The following CSMD1 variants were observed in gnomAD, a reference collection of about 807,000 sequenced individuals.
The protein encoded by CSMD1 is CUB and Sushi multiple domains 1.
Under a neutral mutation model 417.5 loss-of-function variants are expected in CSMD1, and 213 were observed. That is an observed-to-expected ratio of 0.51 (90% CI 0.46 to 0.57). The LOEUF is 0.57. CSMD1 is among the 20% of genes least tolerant of loss of function. The probability of loss-of-function intolerance (pLI) is 0.00; values close to 1 mark genes in which losing one functional copy is unlikely to be tolerated. For synonymous variants in CSMD1, 2,862 were observed against 1,736.8 expected, an observed-to-expected ratio of 1.65 and a Z score of -16.11; for missense variants, 6,923 against 4,529.7, an observed-to-expected ratio of 1.53 and a Z score of -15.17.
intron 2 of CSMD1, among the ~76,000 whole-genome samples, chr8:4,441,746 A>G (rs1465390754): frequency 1.3e-5 from 2 of 152,192 alleles, no homozygotes. Flanking sequence ...TTACTTAAAT[A>G]TTGCATTGCA....
In CSMD1 at chr8:4,042,788, T is replaced by C. The variant is rs574446435; in HGVS notation, c.416-10689A>G. Among the ~76,000 whole-genome samples the C allele has an allele frequency of 3.1e-4, 39 of 124,984 alleles. 1 individual carries two copies. The South Asian group carries it at 8.8e-3, about 28-fold the overall frequency. 82.0% of individuals were successfully genotyped at this position (124,984 alleles called of 152,430 possible). ...AGAGCACATTGCTGTATCTTCGCTATACAATAGGTGAAGTGGTACAACATA... is the reference window on the plus strand; with the variant it reads ...AGAGCACATTGCTGTATCTTCGCTACACAATAGGTGAAGTGGTACAACATA... On this transcript the variant is annotated intron_variant, in intron 3 of 69. Transcript: ENST00000635120.
chr8:3,011,826 A>G (rs779973265), intron 52 of CSMD1, among the ~76,000 whole-genome samples: 15 of 152,240 alleles, frequency 9.9e-5, no homozygotes, highest in East Asian at 1.9e-4. Context: ...ACCACAAACT[A>G]TAACCTCTTC....
chr8:3,123,682 C>T (rs752206719), intron 41 of CSMD1, among the ~76,000 whole-genome samples: 1 of 152,140 alleles, frequency 6.6e-6, no homozygotes, highest in Non-Finnish European at 1.5e-5. Context: ...TCAATAGAAC[C>T]TCATCTTCAT....
intron 2 of CSMD1, among the ~76,000 whole-genome samples, chr8:4,425,966 G>A (rs1263498224): frequency 2.0e-5 from 3 of 151,958 alleles, no homozygotes; most frequent in East Asian, 3.9e-4. Flanking sequence ...ATTTTAGAGA[G>A]GTAGACATAG....
intron 3 of CSMD1, among the ~76,000 whole-genome samples, chr8:4,153,567 G>T (rs866912146): frequency 4.6e-5 from 7 of 152,182 alleles, no homozygotes; most frequent in Admixed American, 1.3e-4. Context: ...CGCAATCATG[G>T]GAAATGCTGC....
chr8:3,307,122 G>C (rs542242981), intron 25 of CSMD1, among the ~76,000 whole-genome samples: 6 of 152,182 alleles, frequency 3.9e-5, no homozygotes, highest in Non-Finnish European at 7.3e-5. Flanking sequence ...AAGAACAGTA[G>C]AGTGTATTTC....
At chr8:3,252,907 T>C (rs930621122) in intron 26 of CSMD1, among the ~76,000 whole-genome samples, 1 of 152,222 alleles carries the variant, frequency 6.6e-6, no homozygotes, top group Non-Finnish European at 1.5e-5. Flanking sequence ...TCGGTGGTGA[T>C]ATTACCTTTA....
chr8:4,283,262 C>T (rs1441834724), intron 3 of CSMD1, among the ~76,000 whole-genome samples: 1 of 152,234 alleles, frequency 6.6e-6, no homozygotes, highest in African/African-American at 2.4e-5. Context: ...TAGATGAAGA[C>T]TTTTAATGCA....
At chr8:4,674,432 G>C (rs899978541) in intron 1 of CSMD1, among the ~76,000 whole-genome samples, 2 of 152,154 alleles carry the variant, frequency 1.3e-5, no homozygotes, top group African/African-American at 2.4e-5. Flanking sequence ...GGTGATGCCA[G>C]GATGGGAAGG....
intron 3 of CSMD1, among the ~76,000 whole-genome samples, chr8:4,277,823 C>A (rs1290311763): frequency 6.6e-6 from 1 of 152,168 alleles, no homozygotes; most frequent in East Asian, 1.9e-4. Context: ...TCTCGGTTCA[C>A]TGCAAGGTCT....
At chr8:3,493,917 T>C (rs920942875) in intron 10 of CSMD1, among the ~76,000 whole-genome samples, 191 bp from the exon 11 acceptor site, 4 of 152,246 alleles carry the variant, frequency 2.6e-5, no homozygotes, top group African/African-American at 7.2e-5. Flanking sequence ...TAGAATTTTA[T>C]GAAATTCAGA....
intron 5 of CSMD1, among the ~76,000 whole-genome samples, chr8:3,976,693 A>T (rs1813461371): frequency 6.6e-6 from 1 of 152,150 alleles, no homozygotes; most frequent in African/African-American, 2.4e-5. Flanking sequence ...AAGATATTTT[A>T]CTTATGAACC....
intron 11 of CSMD1, among the ~76,000 whole-genome samples, chr8:3,474,550 A>G (rs944882608): frequency 6.6e-6 from 1 of 152,140 alleles, no homozygotes; most frequent in Admixed American, 6.5e-5. Context: ...CATTTACTTA[A>G]ATGTTTAATA....
chr8:4,724,821 G>C (rs112159213), intron 1 of CSMD1, among the ~76,000 whole-genome samples: 3,748 of 152,078 alleles, frequency 0.025, 133 homozygotes, highest in African/African-American at 0.075. Context: ...TATTCAAGTT[G>C]AATATAGCCT....
chr8:4,838,757 G>A (rs1800657914), intron 1 of CSMD1, among the ~76,000 whole-genome samples: 1 of 152,120 alleles, frequency 6.6e-6, no homozygotes, highest in African/African-American at 2.4e-5. Flanking sequence ...AGACTAACAA[G>A]GAAGCAGACC....
chr8:3,242,628 T>C (rs2116981223), intron 26 of CSMD1, among the ~76,000 whole-genome samples: 1 of 151,880 alleles, frequency 6.6e-6, no homozygotes, highest in East Asian at 1.9e-4. Flanking sequence ...TTAGGTCAGG[T>C]GACAGTTGAA....
intron 3 of CSMD1, among the ~76,000 whole-genome samples, chr8:4,333,836 G>C (rs1411539028): frequency 6.6e-6 from 1 of 152,078 alleles, no homozygotes; most frequent in Non-Finnish European, 1.5e-5. Context: ...CTTCTCATTA[G>C]CTTTATGGTG....
At chr8:4,256,925 T>C (rs1335442613) in intron 3 of CSMD1, among the ~76,000 whole-genome samples, 1 of 152,152 alleles carries the variant, frequency 6.6e-6, no homozygotes, top group Admixed American at 6.5e-5. Flanking sequence ...TTATTTTCCT[T>C]CCGCTTTCCC....
chr8:3,427,853 C>T (rs1813954208), intron 12 of CSMD1, among the ~76,000 whole-genome samples: 1 of 152,180 alleles, frequency 6.6e-6, no homozygotes, highest in Non-Finnish European at 1.5e-5. Context: ...GTATGCCTGT[C>T]AAATCGATTA....
Sources: gnomAD v4.1 joint callset for allele counts (sites outside exome capture counted in the v4.1 genomes callset) on GRCh38, gnomAD v4.1.1 for gene constraint, MANE v1.5 for transcripts, NCBI Gene and HGNC (gene_info 2026-07-23, HGNC 2026-07-21) for gene names.